The following IPO9 variants were observed in gnomAD, a reference collection of about 807,000 sequenced individuals.
IPO9 encodes the protein importin 9.
Under a neutral mutation model 128.6 loss-of-function variants are expected in IPO9, and 28 were observed. The ratio of observed to expected loss-of-function variants is 0.22; its 90% CI spans 0.16 to 0.30. IPO9 has a LOEUF of 0.30. Ranked by LOEUF, IPO9 falls within the 10% of genes least tolerant of loss-of-function variation. The probability of loss-of-function intolerance (pLI) is 1.00; values close to 1 mark genes in which losing one functional copy is unlikely to be tolerated. For synonymous variants in IPO9, 455 were observed against 475.8 expected, an observed-to-expected ratio of 0.96 and a Z score of 0.57; for missense variants, 935 against 1,293.9, an observed-to-expected ratio of 0.72 and a Z score of 4.26.
intron 2 of IPO9, 46 bp downstream of exon 2, chr1:201,847,386 G>A (rs1558217978): frequency 1.9e-6 from 3 of 1,555,158 alleles, no homozygotes; most frequent in African/African-American, 1.4e-5. Context: ...CCTTTCCTTG[G>A]TAATGAAACT....
chr1:201,852,036 A>T (rs1680226400), intron 4 of IPO9, 68 bp from the exon 5 acceptor site: 2 of 1,025,846 alleles, frequency 1.9e-6, no homozygotes, highest in Non-Finnish European at 3.0e-6. Flanking sequence ...GCAGTTCAGA[A>T]AATATCACAC....
At chr1:201,852,486 T>G (rs562596071) in intron 5 of IPO9, among the ~76,000 whole-genome samples, 1 of 152,214 alleles carries the variant, frequency 6.6e-6, no homozygotes, top group Admixed American at 6.5e-5. Context: ...AGCCTCTTAC[T>G]GAGTTATCCC....
At chr1:201,855,211 A>C (rs369252789) in intron 9 of IPO9, 29 bp downstream of exon 9, 241 of 1,445,194 alleles carry the variant, frequency 1.7e-4, no homozygotes, top group Non-Finnish European at 2.2e-4. Context: ...CTTTATAGAA[A>C]TACCAGTTAG....
intron 3 of IPO9, 97 bp from the exon 4 acceptor site, chr1:201,848,296 G>C: frequency 1.0e-6 from 1 of 991,732 alleles, no homozygotes; most frequent in South Asian, 1.3e-5. Flanking sequence ...GCAGTACCTT[G>C]TACTCATTGT....
At chr1:201,837,289 C>T (rs1033734779) in intron 1 of IPO9, among the ~76,000 whole-genome samples, 1 of 152,022 alleles carries the variant, frequency 6.6e-6, no homozygotes, top group South Asian at 2.1e-4. Context: ...GTGCATCCTT[C>T]TGGCAGGGAT....
intron 1 of IPO9, among the ~76,000 whole-genome samples, chr1:201,839,710 A>G (rs1015894306): frequency 1.3e-5 from 2 of 152,284 alleles, no homozygotes; most frequent in South Asian, 4.1e-4. Flanking sequence ...TACTAGAGGA[A>G]AACATGGGTG....
At chr1:201,847,723 G>A (rs1680146849) in intron 3 of IPO9, 85 bp downstream of exon 3, 1 of 971,124 alleles carries the variant, frequency 1.0e-6, no homozygotes, top group East Asian at 2.5e-5. Flanking sequence ...TTGACAGCAT[G>A]GAGCAATCAA....
chr1:201,883,412 G>A lies in IPO9; in HGVS notation c.*7358G>A, dbSNP rs979426399. 4 of 152,222 alleles carry A rather than the reference G, an allele frequency of 2.6e-5. No homozygotes were observed. The highest frequency in any genetic ancestry group is 5.9e-5 in the Non-Finnish European group (4 of 68,076). The allele number at this position is 152,222 out of a possible 1,614,324, so 9.4% of individuals were successfully genotyped here. Reference sequence around the variant, plus strand: ...ACAAAAAAGTCCACGGGGCCTATGAGCGGTGAGACTCCTGCCCTGATTGTG... The same window carrying A: ...ACAAAAAAGTCCACGGGGCCTATGAACGGTGAGACTCCTGCCCTGATTGTG... On this transcript the variant is annotated 3_prime_UTR_variant, in exon 24 of 24. Transcript: ENST00000361565.
At chr1:201,852,603 A>C in intron 5 of IPO9, among the ~76,000 whole-genome samples, 1 of 152,214 alleles carries the variant, frequency 6.6e-6, no homozygotes, top group East Asian at 1.9e-4. Flanking sequence ...TGTGTATATG[A>C]ATGATAACTC....
Position 201,872,629 on chromosome 1 carries a change from A to ACAG in IPO9, c.2577-197_2577-196insGCA, listed in dbSNP as rs199552459. ...AAAAACAACAACAACAACAACAACA[A>ACAG]CAAAAAAGCACAGATCTCATTAAAC... On this transcript the variant is annotated intron_variant, in intron 19 of 23. Transcript: ENST00000361565. Among the ~76,000 whole-genome samples, 250 of 151,954 alleles carry ACAG rather than the reference A, an allele frequency of 1.6e-3. 1 individual carries two copies. The highest frequency in any genetic ancestry group is 0.014 in the South Asian group (67 of 4,800).
At chr1:201,844,012 AT>A (rs1680086727) in intron 1 of IPO9, among the ~76,000 whole-genome samples, 1 of 152,122 alleles carries the variant, frequency 6.6e-6, no homozygotes, top group Non-Finnish European at 1.5e-5. Context: ...AGTGAAGAGA[AT>A]AAAAGAAATG....
intron 1 of IPO9, among the ~76,000 whole-genome samples, chr1:201,835,990 T>C: frequency 6.6e-6 from 1 of 151,870 alleles, no homozygotes; most frequent in African/African-American, 2.4e-5. Context: ...CGGGCGCCTG[T>C]AGTCCCAGCT....
intron 1 of IPO9, among the ~76,000 whole-genome samples, chr1:201,839,000 A>ACCT (rs1252425190): frequency 4.6e-5 from 7 of 151,118 alleles, no homozygotes; most frequent in Non-Finnish European, 5.9e-5. Context: ...GCTCACTGCA[A>ACCT]CCTCCGCCTC....
At chr1:201,840,115 C>T (rs993134185) in intron 1 of IPO9, among the ~76,000 whole-genome samples, 4 of 152,136 alleles carry the variant, frequency 2.6e-5, no homozygotes, top group Non-Finnish European at 4.4e-5. Context: ...TTTGAGACAG[C>T]GTGTCACTCT....
intron 1 of IPO9, among the ~76,000 whole-genome samples, chr1:201,835,375 G>A (rs980067000): frequency 4.5e-4 from 68 of 152,196 alleles, no homozygotes; most frequent in African/African-American, 1.6e-3. Context: ...AGAGAGAAAG[G>A]GGAGCAAGGA....
intron 19 of IPO9, 43 bp downstream of exon 19, chr1:201,871,370 ATATTTCTTT>A: frequency 1.8e-6 from 1 of 543,512 alleles, no homozygotes; most frequent in Non-Finnish European, 2.7e-6. Flanking sequence ...GCCACCACTC[ATATTTCTTT>A]TTTTTTTTTT....
At chr1:201,859,669 A>C (rs886415251) in intron 13 of IPO9, among the ~76,000 whole-genome samples, 1 of 152,194 alleles carries the variant, frequency 6.6e-6, no homozygotes, top group East Asian at 1.9e-4. Context: ...TCTTAAAAAG[A>C]AAAAAGTAGG....
At chr1:201,833,747 T>C (rs889098589) in intron 1 of IPO9, among the ~76,000 whole-genome samples, 5 of 152,186 alleles carry the variant, frequency 3.3e-5, no homozygotes, top group Non-Finnish European at 7.3e-5. Context: ...TATTATGGTG[T>C]ACAGTATTCT....
intron 1 of IPO9, among the ~76,000 whole-genome samples, chr1:201,843,021 A>G (rs965655617): frequency 2.6e-5 from 4 of 151,844 alleles, no homozygotes; most frequent in African/African-American, 9.7e-5. Flanking sequence ...TTCTCTCTTA[A>G]TAAGTACCCA....
Sources: gnomAD v4.1 joint callset for allele counts (sites outside exome capture counted in the v4.1 genomes callset) on GRCh38, gnomAD v4.1.1 for gene constraint, MANE v1.5 for transcripts, NCBI Gene and HGNC (gene_info 2026-07-23, HGNC 2026-07-21) for gene names.